Variants in RBM4 observed in about 807,000 individuals in gnomAD.
RBM4 encodes the protein RNA-binding protein 4.
RBM4 carries 7 observed loss-of-function variants against 29.5 expected under a neutral mutation model. The ratio of observed to expected loss-of-function variants is 0.24; its 90% CI spans 0.14 to 0.45. The LOEUF (loss-of-function observed/expected upper bound fraction) is 0.45. Ranked by LOEUF, RBM4 falls within the 20% of genes least tolerant of loss-of-function variation. The pLI is 1.00. For missense variants in RBM4, 387 were observed against 502.3 expected, an observed-to-expected ratio of 0.77 and a Z score of 2.19; for synonymous variants, 220 against 205.4, an observed-to-expected ratio of 1.07 and a Z score of -0.61.
intron 3 of RBM4, 76 bp downstream of exon 3, chr11:66,644,216 CTGCT>C (rs750879263): frequency 1.3e-5 from 19 of 1,517,240 alleles, no homozygotes; most frequent in Middle Eastern, 2.0e-4. Flanking sequence ...TTAGGCTGCC[CTGCT>C]TGCTTGCTTG....
At chr11:66,660,114 T>C (rs1191398700) in intron 2 of RBM4, among the ~76,000 whole-genome samples, 1 of 151,556 alleles carries the variant, frequency 6.6e-6, no homozygotes. Flanking sequence ...ACTGAGCTCT[T>C]TCCTGCCTCA....
Position 66,643,388 on chromosome 11 carries a change from G to T in RBM4, c.413-62G>T. The T allele has an allele frequency of 6.5e-7, 1 of 1,543,094 alleles. No homozygotes were observed. The highest frequency in any genetic ancestry group is 8.8e-7 in the Non-Finnish European group (1 of 1,141,092). ...AAGCCATTGCTATGACCAGTGTCTGGGGTAGGGGCTGGGGCTATGACTAAG... is the reference window on the plus strand; with the variant it reads ...AAGCCATTGCTATGACCAGTGTCTGTGGTAGGGGCTGGGGCTATGACTAAG... On this transcript the variant is annotated intron_variant, in intron 2 of 3. Coordinates refer to ENST00000310092, the MANE Select transcript of RBM4 (RefSeq NM_002896.4). The surrounding 1 kb of genome is among the most constrained non-coding windows in gnomAD (Gnocchi z 6.1).
exon 3 of RBM4, chr11:66,666,013 A>G (rs1459404889): frequency 7.0e-7 from 1 of 1,423,974 alleles, no homozygotes; most frequent in Non-Finnish European, 9.5e-7. Flanking sequence ...TTTTGTTTTA[A>G]TCTTTCACAG....
Position 66,643,481 on chromosome 11 carries a change from C to T in RBM4, c.444C>T (p.Ser148=), listed in dbSNP as rs780368453. Residue 148 remains serine, a synonymous_variant, in exon 3 of 4, where the codon AGC becomes AGT. Transcript: ENST00000310092. This position sits in a 1 kb window ranked among gnomAD's most constrained non-coding sequence, Gnocchi z 6.1. ...GKRMHVQLST[S]RLRTAPGMGD... is the part of the protein sequence containing the mutation. ...GAATGCACGTGCAGTTGTCCACCAG[C>T]CGGCTTAGGACTGCGCCCGGGATGG... The T allele has an allele frequency of 1.2e-6, 2 of 1,611,888 alleles. No homozygotes were observed. The highest frequency in any genetic ancestry group is 1.7e-6 in the Non-Finnish European group (2 of 1,178,260).
chr11:66,639,540 C>G (rs112297531), intron 1 of RBM4, 160 bp from the exon 2 acceptor site: 1 of 912,082 alleles, frequency 1.1e-6, no homozygotes, highest in African/African-American at 1.7e-5. Flanking sequence ...TATAGCAGGC[C>G]TTAGTTCACT....
chr11:66,652,874 AG>A (rs1938862038), intron 2 of RBM4, among the ~76,000 whole-genome samples: 1 of 152,206 alleles, frequency 6.6e-6, no homozygotes, highest in Non-Finnish European at 1.5e-5. Flanking sequence ...CCACCAAAAC[AG>A]GGATGGTGCT....
At chr11:66,648,090 C>T (rs893688169), downstream of RBM4, among the ~76,000 whole-genome samples, 11 of 152,056 alleles carry the variant, frequency 7.2e-5, no homozygotes, top group Non-Finnish European at 2.9e-5. Flanking sequence ...CCTGTAATCC[C>T]GGCTACTCAG....
At chr11:66,660,684 T>G (rs1939062054) in intron 2 of RBM4, among the ~76,000 whole-genome samples, 1 of 149,572 alleles carries the variant, frequency 6.7e-6, no homozygotes, top group Non-Finnish European at 1.5e-5. Flanking sequence ...GATGGAGTCT[T>G]GCTCTGTCGC....
intron 2 of RBM4, among the ~76,000 whole-genome samples, chr11:66,659,509 G>T (rs1264315612): frequency 6.6e-6 from 1 of 151,720 alleles, no homozygotes; most frequent in African/African-American, 2.4e-5. Context: ...TCGAACTACC[G>T]ACCTCGGGTT....
chr11:66,667,241 T>C (rs1244748957), exon 3 of RBM4: 1 of 152,224 alleles, frequency 6.6e-6, no homozygotes, highest in Non-Finnish European at 1.5e-5. Context: ...GATGAAAAGA[T>C]TTATCTATCT....
chr11:66,657,806 C>T (rs1163736253), intron 2 of RBM4, among the ~76,000 whole-genome samples: 1 of 151,874 alleles, frequency 6.6e-6, no homozygotes, highest in African/African-American at 2.4e-5. Flanking sequence ...GTTCAACCTC[C>T]ACCTCCTCCC....
rs533403160 is a variant in RBM4 at position 66,664,334 on chromosome 11, G to C, written c.413-1522G>C. Among the ~76,000 whole-genome samples the C allele has an allele frequency of 2.0e-5, 3 of 151,676 alleles. No homozygotes were observed. The East Asian group carries it at 5.8e-4, about 29-fold the overall frequency. ...CTGGCTAATTTTTGTATTTTTAGTA[G>C]GGACAGGGTTTCGCCATGTTGGCCA... is the stretch of plus-strand genomic sequence containing the variant. On this transcript the variant is annotated intron_variant, in intron 2 of 2. Transcript: ENST00000396053.
At chr11:66,641,285 A>G (rs1246003452) in intron 2 of RBM4, 5 of 152,172 alleles carry the variant, frequency 3.3e-5, no homozygotes, top group African/African-American at 7.2e-5. Context: ...CTTTGTTAAG[A>G]GTCATTGCTG....
At chr11:66,652,717 G>A (rs1285180647) in intron 2 of RBM4, among the ~76,000 whole-genome samples, 1 of 152,116 alleles carries the variant, frequency 6.6e-6, no homozygotes, top group Non-Finnish European at 1.5e-5. Context: ...ATACAAAATT[G>A]GGTTGGTTTC....
chr11:66,660,722 C>G (rs545929004), intron 2 of RBM4, among the ~76,000 whole-genome samples: 1 of 151,346 alleles, frequency 6.6e-6, no homozygotes, highest in South Asian at 2.1e-4. Context: ...GGTGCGATCT[C>G]AGCTCACTGC....
intron 2 of RBM4, among the ~76,000 whole-genome samples, chr11:66,658,997 G>T (rs1302743305): frequency 6.7e-6 from 1 of 149,988 alleles, no homozygotes; most frequent in Non-Finnish European, 1.5e-5. Context: ...ATGTTGAAAT[G>T]GTCATTTTTT....
At chr11:66,641,808 T>C (rs1382658772) in intron 2 of RBM4, among the ~76,000 whole-genome samples, 1 of 152,202 alleles carries the variant, frequency 6.6e-6, no homozygotes, top group Non-Finnish European at 1.5e-5. Flanking sequence ...TAGGGTGGTC[T>C]TTTTTCCTTT....
At chr11:66,667,520 A>G (rs556480345) in exon 3 of RBM4, 1 of 152,350 alleles carries the variant, frequency 6.6e-6, no homozygotes, top group Non-Finnish European at 1.5e-5. Context: ...TTAAGTGCCC[A>G]TCTAGAACAA....
rs111905201 is a variant in RBM4, at chr11:66,654,267, G to A, written c.413-11589G>A. On this transcript the variant is annotated intron_variant, in intron 2 of 2. Transcript: ENST00000396053. ...AGCACTTTGGGAGGCTGAGGCGGGC[G>A]GATCATGAGGTCAGGAAATCGAGAC... Among the ~76,000 whole-genome samples the A allele has an allele frequency of 3.4e-3, 522 of 151,986 alleles. 1 individual carries two copies. The highest frequency in any genetic ancestry group is 0.012 in the African/African-American group (483 of 41,506).
Sources: allele counts gnomAD v4.1 joint callset (sites outside exome capture counted in the v4.1 genomes callset), GRCh38; gene constraint gnomAD v4.1.1; non-coding constraint Gnocchi (gnomAD v3.1); transcripts MANE v1.5; gene names NCBI Gene and HGNC (gene_info 2026-07-23, HGNC 2026-07-21).